SGCZ: variants seen among roughly 807,000 people sequenced by gnomAD.
SGCZ encodes the protein sarcoglycan zeta, also known as zeta-sarcoglycan.
Under a neutral mutation model 41.3 loss-of-function variants are expected in SGCZ, and 40 were observed. That is an observed-to-expected ratio of 0.97 (90% CI 0.75 to 1.26). SGCZ has a LOEUF of 1.26. Ranked by LOEUF, SGCZ falls within the 50% of genes most tolerant of loss-of-function variation. The pLI, the probability that SGCZ is intolerant of heterozygous loss-of-function variation, is 0.00. For synonymous variants in SGCZ, 206 were observed against 137.5 expected, an observed-to-expected ratio of 1.50 and a Z score of -3.49; for missense variants, 552 against 369.8, an observed-to-expected ratio of 1.49 and a Z score of -4.04.
At chr8:15,200,103 A>C (rs890967105) in intron 1 of SGCZ, among the ~76,000 whole-genome samples, 1 of 152,218 alleles carries the variant, frequency 6.6e-6, no homozygotes, top group Non-Finnish European at 1.5e-5. Context: ...ACACTGTAGA[A>C]ATTTGTATCT....
chr8:14,283,374 C>T (rs981390367), intron 3 of SGCZ, among the ~76,000 whole-genome samples: 9 of 152,130 alleles, frequency 5.9e-5, no homozygotes, highest in African/African-American at 2.2e-4. Flanking sequence ...ACTACACGTC[C>T]TCTGTAAGAG....
chr8:15,127,038 C>T (rs974232538), intron 1 of SGCZ, among the ~76,000 whole-genome samples: 6 of 152,084 alleles, frequency 3.9e-5, no homozygotes, highest in Non-Finnish European at 8.8e-5. Context: ...TAGAAATTGG[C>T]TGGAATGCAT....
At position 14,796,580 on chromosome 8, in the gene SGCZ, G is replaced by A. The variant is rs965614675; in HGVS notation, c.40-241654C>T. On this transcript the variant is annotated intron_variant, in intron 1 of 7. Coordinates refer to ENST00000382080, the MANE Select transcript of SGCZ (RefSeq NM_139167.4). ...TCTTATGACTCAATGAAGATAACATGTACATTAGAAGAAATCATTCGGAAT... is the reference window on the plus strand; with the variant it reads ...TCTTATGACTCAATGAAGATAACATATACATTAGAAGAAATCATTCGGAAT... Among the ~76,000 whole-genome samples the A allele has an allele frequency of 2.0e-5, 3 of 152,228 alleles. No individual in the cohort carries two copies. The South Asian group carries it at 6.2e-4, about 32-fold the overall frequency.
In SGCZ at chr8:14,777,105, A is replaced by C. The variant is rs376929344; in HGVS notation, c.40-222179T>G. Among the ~76,000 whole-genome samples, 3 of 152,288 alleles carry C rather than the reference A, an allele frequency of 2.0e-5. No individual in the cohort carries two copies. The East Asian group carries it at 5.8e-4, about 29-fold the overall frequency. ...AGTGAATACAGACTGTTATCAGATT[A>C]TGTCACTCTGGCTTAAATTTAGTAA... On this transcript the variant is annotated intron_variant, in intron 1 of 7. Transcript: ENST00000382080.
intron 1 of SGCZ, among the ~76,000 whole-genome samples, chr8:15,047,053 T>C (rs1215827908): frequency 6.6e-6 from 1 of 152,046 alleles, no homozygotes; most frequent in African/African-American, 2.4e-5. Flanking sequence ...TACTCTGTCC[T>C]TTGATAGTTC....
intron 2 of SGCZ, among the ~76,000 whole-genome samples, chr8:14,415,186 T>C (rs1170721717): frequency 1.3e-5 from 2 of 152,034 alleles, no homozygotes; most frequent in South Asian, 2.1e-4. Context: ...GAACATTAAA[T>C]AATGCTTCAC....
At chr8:14,577,463 A>T (rs1804747121) in intron 1 of SGCZ, among the ~76,000 whole-genome samples, 3 of 140,820 alleles carry the variant, frequency 2.1e-5, no homozygotes, top group East Asian at 4.1e-4. Flanking sequence ...ATCTCGGTTC[A>T]CTGCAACCTC....
At position 15,111,900 on chromosome 8, in the gene SGCZ, CA is replaced by C. The variant is rs59606190; in HGVS notation, c.39+125684del. Among the ~76,000 whole-genome samples the C allele has an allele frequency of 4.2e-3, 586 of 140,422 alleles. 3 individuals carry two copies. In the East Asian group the frequency reaches 0.045, roughly 11 times the overall value. The allele number at this position is 140,422 out of a possible 152,430, so 92.1% of individuals were successfully genotyped here. On this transcript the variant is annotated intron_variant, in intron 1 of 7. Transcript: ENST00000382080. ...GGCAACAGAGCGAGACTCCGTCTCC[CA>C]AAAAAAAAAAAAAATCCCTCCTTTC...
At chr8:14,407,538 A>T (rs1799244913) in intron 2 of SGCZ, among the ~76,000 whole-genome samples, 1 of 152,138 alleles carries the variant, frequency 6.6e-6, no homozygotes, top group Non-Finnish European at 1.5e-5. Context: ...AAAAAATTAA[A>T]TAACATTAGA....
intron 1 of SGCZ, among the ~76,000 whole-genome samples, chr8:15,136,769 T>C (rs1229482437): frequency 6.6e-6 from 1 of 152,158 alleles, no homozygotes; most frequent in African/African-American, 2.4e-5. Context: ...GTGAGTCAAT[T>C]ACACCTCTTT....
At chr8:14,253,478 C>A (rs1200234238) in intron 3 of SGCZ, among the ~76,000 whole-genome samples, 1 of 152,076 alleles carries the variant, frequency 6.6e-6, no homozygotes, top group Non-Finnish European at 1.5e-5. Flanking sequence ...AACAAGTAAT[C>A]TTTATGCCTC....
chr8:14,433,148 A>T (rs900498988), intron 2 of SGCZ, among the ~76,000 whole-genome samples: 1 of 152,200 alleles, frequency 6.6e-6, no homozygotes, highest in African/African-American at 2.4e-5. Flanking sequence ...TTCTTATTAC[A>T]ATTAGTATGC....
intron 1 of SGCZ, among the ~76,000 whole-genome samples, chr8:14,874,670 A>G (rs1008234762): frequency 1.3e-5 from 2 of 152,152 alleles, no homozygotes; most frequent in Admixed American, 1.3e-4. Flanking sequence ...AATAAATTCC[A>G]GTGTGGATCA....
intron 1 of SGCZ, among the ~76,000 whole-genome samples, chr8:15,007,719 T>C (rs1042702307): frequency 2.0e-5 from 3 of 152,214 alleles, no homozygotes; most frequent in African/African-American, 7.2e-5. Flanking sequence ...GTCATAATAT[T>C]AAAATAAGTT....
chr8:15,148,584 T>G (rs565860383), intron 1 of SGCZ, among the ~76,000 whole-genome samples: 1 of 152,328 alleles, frequency 6.6e-6, no homozygotes, highest in East Asian at 1.9e-4. Context: ...TACCATCAAT[T>G]ATTTTTGCTT....
intron 2 of SGCZ, among the ~76,000 whole-genome samples, chr8:14,451,654 G>C (rs1800596609): frequency 6.6e-6 from 1 of 152,154 alleles, no homozygotes; most frequent in South Asian, 2.1e-4. Context: ...CTAAGTAAAT[G>C]AACAACCTGA....
At chr8:14,512,219 A>G (rs1217092970) in intron 2 of SGCZ, among the ~76,000 whole-genome samples, 1 of 152,134 alleles carries the variant, frequency 6.6e-6, no homozygotes, top group East Asian at 1.9e-4. Flanking sequence ...CCTTAAAAGG[A>G]AGACGCTGAA....
chr8:14,814,047 G>A (rs537747282), intron 1 of SGCZ, among the ~76,000 whole-genome samples: 10 of 152,114 alleles, frequency 6.6e-5, no homozygotes, highest in African/African-American at 2.4e-4. Flanking sequence ...AGCACAGTAT[G>A]CAGCACTTAA....
intron 2 of SGCZ, among the ~76,000 whole-genome samples, chr8:14,404,518 G>T (rs1210247641): frequency 6.6e-6 from 1 of 152,112 alleles, no homozygotes; most frequent in African/African-American, 2.4e-5. Context: ...TTTTAAATTA[G>T]GTGAGGAAAT....
Sources: allele counts gnomAD v4.1 joint callset (sites outside exome capture counted in the v4.1 genomes callset), GRCh38; gene constraint gnomAD v4.1.1; transcripts MANE v1.5; gene names NCBI Gene and HGNC (gene_info 2026-07-23, HGNC 2026-07-21).